Variants in RPL32 observed in about 807,000 individuals in gnomAD.
The protein encoded by RPL32 is ribosomal protein L32, also known as large ribosomal subunit protein eL32.
For synonymous variants in RPL32, 61 were observed against 62.6 expected (o/e 0.98, Z 0.12); for missense variants, 117 against 173.7 (o/e 0.67, Z 1.83).
rs1468892271 is a variant in RPL32, at chr3:12,834,797, T to G, written c.*1297A>C. ...TCCCAGGTTAATAAAGATTAGATTC[T>G]AAGTTACTTCTTTCCTCTGCACGAC... On this transcript the variant is annotated 3_prime_UTR_variant, in exon 4 of 4. Coordinates refer to ENST00000429711, the MANE Select transcript of RPL32 (RefSeq NM_000994.4). The G allele has an allele frequency of 6.6e-6, 1 of 152,166 alleles. No homozygotes were observed. Among genetic ancestry groups the G allele is most frequent in the African/African-American group, 2.4e-5 (1 of 41,418 alleles). The allele number at this position is 152,166 out of a possible 1,614,324, so 9.4% of individuals were successfully genotyped here.
chr3:12,836,486 A>G (rs1207241759), intron 3 of RPL32, among the ~76,000 whole-genome samples: 1 of 152,178 alleles, frequency 6.6e-6, no homozygotes, highest in African/African-American at 2.4e-5. Flanking sequence ...TTACAGATAA[A>G]GAAACCAAGG....
intron 1 of RPL32, chr3:12,840,871 C>T: frequency 4.9e-6 from 1 of 206,140 alleles, no homozygotes; most frequent in Non-Finnish European, 1.0e-5. Flanking sequence ...ACCCCTTCTG[C>T]TCTCTTCGCA....
In RPL32 at chr3:12,836,306, C is replaced by T. The variant is rs1448086952; in HGVS notation, c.279-83G>A. ...CCATTGGAGAGGCAATGAGTCCCAG[C>T]ACCAAGCTAAGAGAGGGCTGCTTGG... On this transcript the variant is annotated intron_variant, in intron 3 of 3. Transcript: ENST00000429711. The T allele has an allele frequency of 3.9e-6, 6 of 1,552,070 alleles. No individual in the cohort carries two copies. In the African/African-American group the frequency reaches 6.9e-5, roughly 18 times the overall value.
intron 3 of RPL32, 137 bp from the exon 4 acceptor site, chr3:12,836,360 C>T: frequency 1.0e-6 from 1 of 968,286 alleles, no homozygotes; most frequent in African/African-American, 1.6e-5. Flanking sequence ...CACCTACATG[C>T]CCCCAAATCC....
chr3:12,840,794 G>C (rs1051568260), intron 1 of RPL32: 7 of 266,672 alleles, frequency 2.6e-5, no homozygotes, highest in African/African-American at 1.3e-4. Flanking sequence ...CAAACCTGGA[G>C]ATCTTCCAGT....
chr3:12,840,689 T>C, intron 1 of RPL32: 1 of 356,864 alleles, frequency 2.8e-6, no homozygotes, highest in South Asian at 2.1e-5. Context: ...TGTCACAGGG[T>C]AAATGTTCAA....
chr3:12,835,547 CTG>C lies in RPL32; in HGVS notation c.*545_*546del. On this transcript the variant is annotated 3_prime_UTR_variant, in exon 4 of 4. Coordinates refer to ENST00000429711, the MANE Select transcript of RPL32 (RefSeq NM_000994.4). ...CAGCTGGTGGGAGGGTTATAGGAGA[CTG>C]AAAGTGCTTTTCCAGTTAACCGTGG... is the stretch of plus-strand genomic sequence containing the variant. The C allele has an allele frequency of 6.4e-6, 1 of 156,038 alleles. No homozygotes were observed. The highest frequency in any genetic ancestry group is 1.9e-4 in the East Asian group (1 of 5,292). The allele number at this position is 156,038 out of a possible 1,614,324, so 9.7% of individuals were successfully genotyped here. A position where few individuals can be genotyped will look rare whatever the true frequency, so the allele number is the denominator to read the frequency against.
chr3:12,836,609 CTT>C (rs1226101930), intron 3 of RPL32, among the ~76,000 whole-genome samples: 1 of 152,178 alleles, frequency 6.6e-6, no homozygotes, highest in Non-Finnish European at 1.5e-5. Context: ...GTTCAGAACT[CTT>C]TGCAAAATGG....
Position 12,836,072 on chromosome 3 carries a change from AG to A in RPL32, c.*21del. The A allele has an allele frequency of 6.2e-7, 1 of 1,609,238 alleles. No homozygotes were observed. Among genetic ancestry groups the A allele is most frequent in the Non-Finnish European group, 8.5e-7 (1 of 1,179,410 alleles). On this transcript the variant is annotated 3_prime_UTR_variant, in exon 4 of 4. Transcript: ENST00000429711. The stretch of plus-strand genomic sequence containing the variant: ...TGGCAGTTTTTACATTTATTTAAAC[AG>A]AAAACGTGCACATGAGCTGCCTACT...
chr3:12,839,959 G>A (rs989963149), intron 2 of RPL32, among the ~76,000 whole-genome samples, 183 bp downstream of exon 2: 4 of 152,094 alleles, frequency 2.6e-5, no homozygotes, highest in African/African-American at 7.2e-5. Flanking sequence ...TTAAAGTTTC[G>A]CTTCACACAT....
chr3:12,837,527 CA>C (rs2062108920), intron 3 of RPL32, among the ~76,000 whole-genome samples: 1 of 152,258 alleles, frequency 6.6e-6, no homozygotes, highest in South Asian at 2.1e-4. Flanking sequence ...TTGCCTGTTA[CA>C]GTTCAACTCA....
chr3:12,836,000 T>C lies in RPL32; in HGVS notation c.*94A>G. The C allele has an allele frequency of 6.8e-7, 1 of 1,469,300 alleles. No individual in the cohort carries two copies. 91.0% of individuals were successfully genotyped at this position (1,469,300 alleles called of 1,614,324 possible). On this transcript the variant is annotated 3_prime_UTR_variant, in exon 4 of 4. Transcript: ENST00000429711. Reference sequence around the variant, plus strand: ...AGAACAATCTCTGTGGCAAACTAAGTTGGCCAAGAAGCTGAAGACTTAAAA... The same window carrying C: ...AGAACAATCTCTGTGGCAAACTAAGCTGGCCAAGAAGCTGAAGACTTAAAA...
rs965214183 is a variant in RPL32, at chr3:12,834,786, A to G, written c.*1308T>C. 1 of 152,174 alleles carries G rather than the reference A, an allele frequency of 6.6e-6. No homozygotes were observed. The highest frequency in any genetic ancestry group is 2.1e-4 in the South Asian group (1 of 4,820). 9.4% of individuals were successfully genotyped at this position (152,174 alleles called of 1,614,324 possible). A position where few individuals can be genotyped will look rare whatever the true frequency, so the allele number is the denominator to read the frequency against. On this transcript the variant is annotated 3_prime_UTR_variant, in exon 4 of 4. Transcript: ENST00000429711. ...TTTCTGTGATATCCCAGGTTAATAA[A>G]GATTAGATTCTAAGTTACTTCTTTC... is the stretch of plus-strand genomic sequence containing the variant.
chr3:12,835,908 T>C lies in RPL32; in HGVS notation c.*186A>G, dbSNP rs1283800748. ...CTGTGCACTTGAGGCCACATTCCCC[T>C]GTTCAAGGACTGAGTGTCCTTTACA... On this transcript the variant is annotated 3_prime_UTR_variant, in exon 4 of 4. Transcript: ENST00000429711. 5 of 658,026 alleles carry C rather than the reference T, an allele frequency of 7.6e-6. No homozygotes were observed. The highest frequency in any genetic ancestry group is 1.0e-5 in the Non-Finnish European group (4 of 395,346). 40.8% of individuals were successfully genotyped at this position (658,026 alleles called of 1,614,324 possible). A position where few individuals can be genotyped will look rare whatever the true frequency, so the allele number is the denominator to read the frequency against.
At position 12,836,190 on chromosome 3, in the gene RPL32, G is replaced by C. The variant is rs747239875; in HGVS notation, c.312C>G (p.Ser104=). ...SYCAEIAHNV[S]SKNRKAIVER... ...CCACGATGGCTTTGCGGTTCTTGGA[G>C]GAAACATTGTGAGCGATCTCGGCAC... Residue 104 remains serine (S), a synonymous_variant, in exon 4 of 4, where the codon TCC becomes TCG. Transcript: ENST00000429711. 1 of 1,601,670 alleles carries C rather than the reference G, an allele frequency of 6.2e-7. No individual in the cohort carries two copies.
In RPL32 at chr3:12,839,526, T is replaced by C. The variant is rs1559564441; in HGVS notation, c.101A>G (p.Asn34Ser). Residue 34 changes from asparagine (N) to serine (S), a missense_variant, in exon 3 of 4, where the codon AAC becomes AGC. By Grantham distance (46) the Asn-to-Ser change is conservative. Transcript: ENST00000429711. ...GTCAATGCCTCTGGGTTTCCGCCAG[T>C]TACGCTGAAGGAAATAATACACAGG... is the stretch of plus-strand genomic sequence containing the variant. ...QSDRYVKIKR[N>S]WRKPRGIDNR... is the part of the protein sequence containing the mutation. 1 of 1,614,130 alleles carries C rather than the reference T, an allele frequency of 6.2e-7. No individual in the cohort carries two copies.
chr3:12,840,570 C>T (rs2062143778), intron 1 of RPL32: 6 of 494,038 alleles, frequency 1.2e-5, no homozygotes, highest in Non-Finnish European at 2.4e-5. Context: ...GTGTCCGAAC[C>T]CCCAGATGGT....
At chr3:12,838,768 G>A (rs907483070) in intron 3 of RPL32, among the ~76,000 whole-genome samples, 2 of 152,124 alleles carry the variant, frequency 1.3e-5, no homozygotes, top group East Asian at 1.9e-4. Flanking sequence ...AATTCTCGAC[G>A]AGAAACAGAA....
At chr3:12,837,858 A>G (rs2062111835) in intron 3 of RPL32, among the ~76,000 whole-genome samples, 2 of 152,242 alleles carry the variant, frequency 1.3e-5, no homozygotes, top group Non-Finnish European at 2.9e-5. Flanking sequence ...AGAATTTTTC[A>G]TTCCACTGCC....
Sources: allele counts gnomAD v4.1 joint callset (sites outside exome capture counted in the v4.1 genomes callset), GRCh38; gene constraint gnomAD v4.1.1; transcripts MANE v1.5; gene names NCBI Gene and HGNC (gene_info 2026-07-23, HGNC 2026-07-21).